SLC24A3: variants seen among roughly 807,000 people sequenced by gnomAD.
The protein encoded by SLC24A3 is sodium/potassium/calcium exchanger 3.
SLC24A3 carries 28 observed loss-of-function variants against 75.8 expected under a neutral mutation model. The ratio of observed to expected loss-of-function variants is 0.37; its 90% confidence interval spans 0.27 to 0.51. The LOEUF is 0.51. Among genes scored for constraint, SLC24A3 ranks in the 20% least tolerant of loss-of-function variants. The pLI is 0.94. For synonymous variants in SLC24A3, 372 were observed against 334.1 expected (o/e 1.11, Z -1.24); for missense variants, 663 against 847.8 (o/e 0.78, Z 2.71).
intron 2 of SLC24A3, among the ~76,000 whole-genome samples, chr20:19,388,066 C>G (rs531217797): frequency 6.6e-6 from 1 of 152,236 alleles, no homozygotes; most frequent in South Asian, 2.1e-4. Flanking sequence ...GGGTATCCAT[C>G]CCCTCAAGCT....
rs111523456 is a variant in SLC24A3 at position 19,527,831 on chromosome 20, T to C, written c.348+12267T>C. On this transcript the variant is annotated intron_variant, in intron 3 of 16. Transcript: ENST00000328041. ...TTCTCCAACTTTTATTAAATTAAAT[T>C]ATTTCCCTGAAGGATTGGCTTCTAT... Among the ~76,000 whole-genome samples the C allele has an allele frequency of 7.7e-3, 1,168 of 152,330 alleles. 8 individuals are homozygous for C. Among genetic ancestry groups the C allele is most frequent in the Non-Finnish European group, 0.012 (843 of 68,032 alleles).
rs544179083 is a variant in SLC24A3 at position 19,453,905 on chromosome 20, A to G, written c.272-61583A>G. On this transcript the variant is annotated intron_variant, in intron 2 of 16. Coordinates refer to ENST00000328041, the MANE Select transcript of SLC24A3 (RefSeq NM_020689.4). ...TTCCCAGGCTGCCCAGGCTGCCTCA[A>G]AAAAGACTGAAAATACACGCAAAGT... 7.9e-4 allele frequency among the ~76,000 whole-genome samples: 120 copies of G among 152,348 alleles called. 1 individual carries two copies. Among genetic ancestry groups the G allele is most frequent in the African/African-American group, 2.8e-3 (116 of 41,582 alleles).
At chr20:19,720,909 G>A (rs1050392951) in intron 16 of SLC24A3, 82 bp from the exon 17 acceptor site, 62 of 1,539,342 alleles carry the variant, frequency 4.0e-5, no homozygotes, top group Admixed American at 1.7e-4. Context: ...GCCCTTCCCC[G>A]GGTCCCCTGG....
chr20:19,290,506 C>G (rs546393400), intron 2 of SLC24A3, among the ~76,000 whole-genome samples: 1 of 152,302 alleles, frequency 6.6e-6, no homozygotes, highest in African/African-American at 2.4e-5. Context: ...ACCCCTTCCA[C>G]CTTGTGAGGC....
At chr20:19,294,635 C>T (rs1984019109) in intron 2 of SLC24A3, among the ~76,000 whole-genome samples, 1 of 152,152 alleles carries the variant, frequency 6.6e-6, no homozygotes, top group African/African-American at 2.4e-5. Flanking sequence ...TTTATGGCTG[C>T]ATAGTATTCC....
intron 2 of SLC24A3, among the ~76,000 whole-genome samples, chr20:19,506,909 A>G (rs1988470136): frequency 6.6e-6 from 1 of 152,178 alleles, no homozygotes; most frequent in African/African-American, 2.4e-5. Context: ...AACGAGACAA[A>G]AATTCAAAAG....
chr20:19,515,027 C>T (rs6046153), intron 2 of SLC24A3, among the ~76,000 whole-genome samples: 41,328 of 152,138 alleles, frequency 0.27, 5,904 homozygotes, highest in Middle Eastern at 0.34. Context: ...CTACAGCCCC[C>T]GCTCAGAAAA....
chr20:19,391,683 C>T (rs1254510098), intron 2 of SLC24A3, among the ~76,000 whole-genome samples: 2 of 152,174 alleles, frequency 1.3e-5, no homozygotes, highest in African/African-American at 4.8e-5. Context: ...GCATTTTTAG[C>T]TATGCTGCCA....
intron 2 of SLC24A3, among the ~76,000 whole-genome samples, chr20:19,446,024 G>A (rs1391426776): frequency 6.6e-6 from 1 of 152,066 alleles, no homozygotes; most frequent in Non-Finnish European, 1.5e-5. Flanking sequence ...TATCTTCATT[G>A]TCCAAATGAG....
At chr20:19,289,235 T>C (rs547455049) in intron 2 of SLC24A3, among the ~76,000 whole-genome samples, 2 of 152,262 alleles carry the variant, frequency 1.3e-5, no homozygotes, top group African/African-American at 4.8e-5. Context: ...ATTTTTCCTT[T>C]CGTATGTTAG....
intron 14 of SLC24A3, chr20:19,697,532 C>A (rs908388813): frequency 6.6e-5 from 10 of 152,532 alleles, no homozygotes; most frequent in African/African-American, 2.4e-4. Flanking sequence ...GTGACAGATC[C>A]TTCCCTCCTT....
chr20:19,473,015 C>T (rs962789718), intron 2 of SLC24A3, among the ~76,000 whole-genome samples: 7 of 152,238 alleles, frequency 4.6e-5, no homozygotes, highest in South Asian at 2.1e-4. Context: ...AGCTGGGGTT[C>T]GGGGGCCACT....
intron 3 of SLC24A3, among the ~76,000 whole-genome samples, chr20:19,559,359 T>C (rs1248959725): frequency 6.6e-6 from 1 of 152,236 alleles, no homozygotes; most frequent in Non-Finnish European, 1.5e-5. Flanking sequence ...TGAATACATG[T>C]ACTTCATAAG....
intron 3 of SLC24A3, among the ~76,000 whole-genome samples, chr20:19,557,741 C>T (rs1379743376): frequency 1.3e-5 from 2 of 152,134 alleles, no homozygotes; most frequent in African/African-American, 4.8e-5. Flanking sequence ...GCAAATATGT[C>T]CCAATTGGGT....
chr20:19,582,780 G>A (rs1175973937), intron 4 of SLC24A3, among the ~76,000 whole-genome samples: 1 of 152,192 alleles, frequency 6.6e-6, no homozygotes, highest in African/African-American at 2.4e-5. Context: ...AGGGAGAGAG[G>A]CATTTCAGGA....
intron 6 of SLC24A3, among the ~76,000 whole-genome samples, chr20:19,622,781 G>A (rs1289326333): frequency 2.6e-5 from 4 of 152,196 alleles, no homozygotes; most frequent in African/African-American, 9.7e-5. Context: ...TTATTTGGCT[G>A]TCAGTTCTGC....
intron 2 of SLC24A3, among the ~76,000 whole-genome samples, chr20:19,448,917 G>C (rs1214291736): frequency 1.3e-5 from 2 of 152,224 alleles, no homozygotes; most frequent in African/African-American, 4.8e-5. Flanking sequence ...TAATAAAGGA[G>C]AGAAAACCAC....
At chr20:19,580,512 T>A (rs979290220) in intron 4 of SLC24A3, among the ~76,000 whole-genome samples, 1 of 152,092 alleles carries the variant, frequency 6.6e-6, no homozygotes, top group Non-Finnish European at 1.5e-5. Context: ...TCTGCCATGC[T>A]TCCTCTCTCT....
At chr20:19,614,851 A>C in intron 6 of SLC24A3, among the ~76,000 whole-genome samples, 1 of 152,214 alleles carries the variant, frequency 6.6e-6, no homozygotes, top group Non-Finnish European at 1.5e-5. Context: ...GATTAGAAGG[A>C]AGATGAATGA....
Sources: gnomAD v4.1 joint callset for allele counts (sites outside exome capture counted in the v4.1 genomes callset) on GRCh38, gnomAD v4.1.1 for gene constraint, MANE v1.5 for transcripts, NCBI Gene and HGNC (gene_info 2026-07-23, HGNC 2026-07-21) for gene names.